Variants in MCF2L observed in about 807,000 individuals in gnomAD.
MCF2L encodes the protein MCF.2 cell line derived transforming sequence like, also known as guanine nucleotide exchange factor DBS.
A neutral mutation model predicts 153.4 loss-of-function variants in MCF2L; 97 were observed. The observed-to-expected ratio is 0.63, with a 90% confidence interval of 0.54 to 0.75. The LOEUF is 0.75. MCF2L is among the 30% of genes least tolerant of loss of function. MCF2L has a pLI of 0.00. For synonymous variants in MCF2L, 659 were observed against 632.2 expected (o/e 1.04, Z -0.64); for missense variants, 1,347 against 1,495.2 (o/e 0.90, Z 1.64).
upstream of MCF2L, among the ~76,000 whole-genome samples, chr13:112,967,304 G>A (rs192580160): frequency 1.4e-4 from 22 of 152,062 alleles, no homozygotes; most frequent in East Asian, 2.7e-3. Context: ...CAATTGTGCC[G>A]CCGTAGGCAC....
intron 2 of MCF2L, among the ~76,000 whole-genome samples, chr13:112,911,588 C>A (rs927388425): frequency 6.6e-6 from 1 of 152,234 alleles, no homozygotes; most frequent in Admixed American, 6.5e-5. Context: ...CTCACCCAAG[C>A]CCCTGCTGTG....
In MCF2L at chr13:113,078,369, G is replaced by C; in HGVS notation, c.1667G>C (p.Arg556Pro). 3 of 1,613,274 alleles carry C rather than the reference G, an allele frequency of 1.9e-6. No individual in the cohort carries two copies. Among genetic ancestry groups the C allele is most frequent in the Admixed American group, 3.3e-5 (2 of 60,014 alleles). Residue 556 changes from arginine (R) to proline (P), a missense_variant, in exon 14 of 30, where the codon CGG (arginine) becomes CCG (proline). Physicochemically the swap from Arg to Pro is moderately radical, Grantham distance 103 (BLOSUM62 -2). Transcript: ENST00000535094. Reference protein sequence around the residue: ...AKSPCPSPGIRRGSENSSSEG... With the variant: ...AKSPCPSPGIPRGSENSSSEG... ...CTCCCCTTCTTCCCAACAGGCATTC[G>C]GCGAGGCTCTGAGAACTCCAGCTCC...
At chr13:113,095,376 G>A in intron 27 of MCF2L, 1 of 1,130,586 alleles carries the variant, frequency 8.8e-7, no homozygotes, top group South Asian at 2.0e-5. Context: ...GAGACAGCAT[G>A]AAGGAAGGCC....
At chr13:113,009,811 A>T (rs2083959116) in intron 1 of MCF2L, 2 of 152,310 alleles carry the variant, frequency 1.3e-5, no homozygotes, top group Non-Finnish European at 2.9e-5. Context: ...TGGCCGGATG[A>T]TCTGGTGACG....
At chr13:113,078,866 A>T in intron 15 of MCF2L, 127 bp downstream of exon 15, 1 of 899,596 alleles carries the variant, frequency 1.1e-6, no homozygotes, top group Non-Finnish European at 1.7e-6. Flanking sequence ...TGTGGTTCTT[A>T]CTTTTGCACC....
Position 112,979,555 on chromosome 13 carries a change from C to T in MCF2L, c.79+10097C>T, listed in dbSNP as rs567341107. ...CGGCACCCGCCCGGCTTTTAGCTGTCGCAGCAGAGACCCGAAGGCTGTGGC... is the reference window on the plus strand; with the variant it reads ...CGGCACCCGCCCGGCTTTTAGCTGTTGCAGCAGAGACCCGAAGGCTGTGGC... On this transcript the variant is annotated intron_variant, in intron 1 of 29. Transcript: ENST00000535094. The T allele has an allele frequency of 1.7e-5, 26 of 1,548,930 alleles. No individual in the cohort carries two copies. The East Asian group carries it at 2.1e-4, about 13-fold the overall frequency.
intron 2 of MCF2L, among the ~76,000 whole-genome samples, chr13:112,950,355 A>G (rs1347283223): frequency 6.6e-6 from 1 of 152,246 alleles, no homozygotes; most frequent in African/African-American, 2.4e-5. Flanking sequence ...AAATCCCAAC[A>G]GAATTTTTTT....
In MCF2L at chr13:113,084,884, C is replaced by A; in HGVS notation, c.2062-8C>A. On this transcript the variant is annotated splice_polypyrimidine_tract_variant and splice_region_variant and intron_variant, in intron 18 of 29. Coordinates refer to ENST00000535094, the MANE Select transcript of MCF2L (RefSeq NM_001112732.3). Reference sequence around the variant, plus strand: ...ACTGCGTGATGCGGTGCCTGTCCCTCGGTGCAGATGGAAGATTTCCAGATC... The same window carrying A: ...ACTGCGTGATGCGGTGCCTGTCCCTAGGTGCAGATGGAAGATTTCCAGATC... 6.2e-7 allele frequency: 1 copy of A among 1,609,614 alleles called. No homozygotes were observed. The highest frequency in any genetic ancestry group is 8.5e-7 in the Non-Finnish European group (1 of 1,176,244).
intron 1 of MCF2L, among the ~76,000 whole-genome samples, chr13:113,011,832 ATGCGGACGGTGGACAGGCGG>A (rs2084143655): frequency 1.4e-5 from 1 of 73,688 alleles, no homozygotes; most frequent in Non-Finnish European, 2.6e-5. Context: ...GGACACTGTG[ATGCGGACGGTGGACAGGCGG>A]TGTGGACGGT....
At chr13:113,021,034 G>A (rs572077229) in intron 2 of MCF2L, among the ~76,000 whole-genome samples, 62 of 141,738 alleles carry the variant, frequency 4.4e-4, no homozygotes, top group East Asian at 1.7e-3. Flanking sequence ...GTGTATGTGC[G>A]TGTAGCTGTG....
intron 4 of MCF2L, 149 bp from the exon 5 acceptor site, chr13:113,060,444 C>T: frequency 1.2e-6 from 1 of 825,252 alleles, no homozygotes; most frequent in Non-Finnish European, 1.9e-6. Flanking sequence ...GCATCTCTAC[C>T]ATGTTTATCT....
rs748451089 is a variant in MCF2L, at chr13:113,045,808, A to G, written c.369+447A>G. ...TGCACTTCCTCTTACACAAAGCACA[A>G]CAGTCCTGACCAGGCAGGACGGGGG... On this transcript the variant is annotated intron_variant, in intron 4 of 29. Transcript: ENST00000535094. This position sits in a 1 kb window ranked among gnomAD's most constrained non-coding sequence, Gnocchi z 4.2. The G allele has an allele frequency of 1.7e-4, 35 of 208,532 alleles. No individual in the cohort carries two copies. Among genetic ancestry groups the G allele is most frequent in the Non-Finnish European group, 3.1e-4 (31 of 100,914 alleles). The allele number at this position is 208,532 out of a possible 1,614,324, so 12.9% of individuals were successfully genotyped here. A position where few individuals can be genotyped will look rare whatever the true frequency, so the allele number is the denominator to read the frequency against.
At chr13:113,075,212 C>T in intron 11 of MCF2L, 23 bp downstream of exon 11, 1 of 1,561,568 alleles carries the variant, frequency 6.4e-7, no homozygotes, top group East Asian at 2.3e-5. Context: ...GGACCCCACC[C>T]CACTCCCCCC....
Position 113,045,868 on chromosome 13 carries a change from A to T in MCF2L, c.369+507A>T. On this transcript the variant is annotated intron_variant, in intron 4 of 29. Transcript: ENST00000535094. This position sits in a 1 kb window ranked among gnomAD's most constrained non-coding sequence, Gnocchi z 4.2. ...GAGACGCTCCAGGCTGGAAGTTGGA[A>T]GTGGTACTGCACAGCTTTCCTATGT... The T allele has an allele frequency of 5.9e-6, 1 of 168,584 alleles. No homozygotes were observed. Among genetic ancestry groups the T allele is most frequent in the Non-Finnish European group, 1.3e-5 (1 of 76,972 alleles). The allele number at this position is 168,584 out of a possible 1,614,324, so 10.4% of individuals were successfully genotyped here.
At position 112,993,177 on chromosome 13, in the gene MCF2L, C is replaced by T. The variant is rs1339284853; in HGVS notation, c.80-21586C>T. On this transcript the variant is annotated intron_variant, in intron 1 of 29. Coordinates refer to ENST00000535094, the MANE Select transcript of MCF2L (RefSeq NM_001112732.3). The surrounding 1 kb of genome is among the most constrained non-coding windows in gnomAD (Gnocchi z 4.6). Reference sequence around the variant, plus strand: ...GGAGGCCACAGAGAGGCTGTACTGACAGAGGCTGGGGGAGGATCTGGTGAT... The same window carrying T: ...GGAGGCCACAGAGAGGCTGTACTGATAGAGGCTGGGGGAGGATCTGGTGAT... Among the ~76,000 whole-genome samples, 3 of 152,210 alleles carry T rather than the reference C, an allele frequency of 2.0e-5. No individual in the cohort carries two copies. Among genetic ancestry groups the T allele is most frequent in the Non-Finnish European group, 1.5e-5 (1 of 68,040 alleles).
chr13:113,061,415 ATCT>A (rs1024093550), intron 5 of MCF2L, among the ~76,000 whole-genome samples: 3 of 151,970 alleles, frequency 2.0e-5, no homozygotes, highest in Non-Finnish European at 2.9e-5. Flanking sequence ...GCGAGCTCAC[ATCT>A]TCTCTGCCAC....
At position 113,045,973 on chromosome 13, in the gene MCF2L, C is replaced by A. The variant is rs2086787024; in HGVS notation, c.369+612C>A. Reference sequence around the variant, plus strand: ...CCGCCTCCCTTCCCCAGTAACCCAGCCTCGCATGTAGCCACCCTCCTTTCC... The same window carrying A: ...CCGCCTCCCTTCCCCAGTAACCCAGACTCGCATGTAGCCACCCTCCTTTCC... On this transcript the variant is annotated intron_variant, in intron 4 of 29. Coordinates refer to ENST00000535094, the MANE Select transcript of MCF2L (RefSeq NM_001112732.3). The surrounding 1 kb of genome is among the most constrained non-coding windows in gnomAD (Gnocchi z 4.2). The A allele has an allele frequency of 6.4e-6, 1 of 157,072 alleles. No individual in the cohort carries two copies. The highest frequency in any genetic ancestry group is 1.4e-5 in the Non-Finnish European group (1 of 71,026). 9.7% of individuals were successfully genotyped at this position (157,072 alleles called of 1,614,324 possible).
chr13:112,912,215 A>G (rs1056146394), intron 2 of MCF2L, among the ~76,000 whole-genome samples: 1 of 152,116 alleles, frequency 6.6e-6, no homozygotes, highest in Non-Finnish European at 1.5e-5. Flanking sequence ...TCTTCAGGCA[A>G]TTTCAGAGTG....
upstream of MCF2L, chr13:112,968,525 CT>C: frequency 6.4e-7 from 1 of 1,568,034 alleles, no homozygotes; most frequent in South Asian, 1.2e-5. Flanking sequence ...GTCCTGCGTC[CT>C]TGGGCAGGCG....
Sources: allele counts gnomAD v4.1 joint callset (sites outside exome capture counted in the v4.1 genomes callset), GRCh38; gene constraint gnomAD v4.1.1; non-coding constraint Gnocchi (gnomAD v3.1); transcripts MANE v1.5; gene names NCBI Gene and HGNC (gene_info 2026-07-23, HGNC 2026-07-21).